Variants in PSMF1 observed in about 807,000 individuals in gnomAD.
The protein encoded by PSMF1 is proteasome inhibitor subunit 1.
A neutral mutation model predicts 29.3 loss-of-function variants in PSMF1; 30 were observed. The observed-to-expected ratio is 1.02, with a 90% CI of 0.77 to 1.39. The LOEUF is 1.39. Ranked by LOEUF, PSMF1 falls within the 40% of genes most tolerant of loss-of-function variation. The pLI is 0.00. For missense variants in PSMF1, 344 were observed against 357.5 expected (o/e 0.96, Z 0.31); for synonymous variants, 134 against 139.7 (o/e 0.96, Z 0.29).
At chr20:1,118,587 G>C, upstream of PSMF1, 1 of 657,008 alleles carries the variant, frequency 1.5e-6, no homozygotes, top group East Asian at 3.1e-5. Flanking sequence ...TGCGCCCGCT[G>C]TTGGGACTAC....
At chr20:1,150,321 GGTGA>G (rs2086512504) in intron 4 of PSMF1, among the ~76,000 whole-genome samples, 1 of 152,152 alleles carries the variant, frequency 6.6e-6, no homozygotes, top group Non-Finnish European at 1.5e-5. Flanking sequence ...GCTGGATGTG[GGTGA>G]GTGAGTGGTA....
At position 1,171,368 on chromosome 20, in the gene PSMF1, C is replaced by T. The variant is rs2086788509; in HGVS notation, c.*6288C>T. On this transcript the variant is annotated 3_prime_UTR_variant, in exon 7 of 7. Transcript: ENST00000335877. Reference sequence around the variant, plus strand: ...GGCCACAGGAATGGGCTCGGGCTCTCTGCTGGGCTCTGTCACCTGGCTCCA... The same window carrying T: ...GGCCACAGGAATGGGCTCGGGCTCTTTGCTGGGCTCTGTCACCTGGCTCCA... Among the ~76,000 whole-genome samples the T allele has an allele frequency of 6.6e-6, 1 of 152,188 alleles. No individual in the cohort carries two copies. Among genetic ancestry groups the T allele is most frequent in the Non-Finnish European group, 1.5e-5 (1 of 68,026 alleles).
At chr20:1,160,819 G>C (rs2086657775) in intron 4 of PSMF1, 1 of 454,124 alleles carries the variant, frequency 2.2e-6, no homozygotes, top group African/African-American at 2.0e-5. Flanking sequence ...TTCACCAGCT[G>C]GGAAGGCATG....
At chr20:1,130,513 G>C (rs541499595) in intron 3 of PSMF1, among the ~76,000 whole-genome samples, 1 of 152,230 alleles carries the variant, frequency 6.6e-6, no homozygotes, top group Non-Finnish European at 1.5e-5. Flanking sequence ...TCTGTCTAAA[G>C]TGCTCTCCCT....
In PSMF1 at chr20:1,165,572, C is replaced by T. The variant is rs2086719627; in HGVS notation, c.*492C>T. The T allele has an allele frequency of 1.0e-6, 1 of 995,000 alleles. No individual in the cohort carries two copies. Among genetic ancestry groups the T allele is most frequent in the African/African-American group, 1.7e-5 (1 of 57,378 alleles). 61.6% of individuals were successfully genotyped at this position (995,000 alleles called of 1,614,324 possible). ...GGGCTGAATGACTCTTTTTCCTGCC[C>T]AGGGCCCATTCTTGCTTCTCAGGCA... is the stretch of plus-strand genomic sequence containing the variant. On this transcript the variant is annotated 3_prime_UTR_variant, in exon 7 of 7. Coordinates refer to ENST00000335877, the MANE Select transcript of PSMF1 (RefSeq NM_006814.5).
rs1235284719 is a variant in PSMF1 at position 1,166,045 on chromosome 20, C to G, written c.*965C>G. On this transcript the variant is annotated 3_prime_UTR_variant, in exon 7 of 7. Coordinates refer to ENST00000335877, the MANE Select transcript of PSMF1 (RefSeq NM_006814.5). ...AAAAGAATGATGGTTCAAGGCCATA[C>G]TTCCCTTGAACCTTGTGTGGTTCTT... 3 of 1,466,570 alleles carry G rather than the reference C, an allele frequency of 2.0e-6. No homozygotes were observed. The highest frequency in any genetic ancestry group is 2.4e-5 in the Admixed American group (1 of 41,928). 90.8% of individuals were successfully genotyped at this position (1,466,570 alleles called of 1,614,324 possible).
intron 4 of PSMF1, among the ~76,000 whole-genome samples, chr20:1,155,733 G>C (rs148542795): frequency 1.7e-4 from 26 of 152,214 alleles, no homozygotes; most frequent in Non-Finnish European, 3.4e-4. Context: ...CACATGCATG[G>C]TGGAGACCTT....
chr20:1,132,969 G>GTTTTTTTTTTT (rs60189289), intron 3 of PSMF1, among the ~76,000 whole-genome samples: 2 of 134,104 alleles, frequency 1.5e-5, no homozygotes, highest in Non-Finnish European at 3.1e-5. Context: ...GGGTTTTTTT[G>GTTTTTTTTTTT]TTTTTTTTTT....
intron 4 of PSMF1, among the ~76,000 whole-genome samples, chr20:1,152,245 T>C (rs2122572691): frequency 6.6e-6 from 1 of 152,378 alleles, no homozygotes; most frequent in Admixed American, 6.5e-5. Flanking sequence ...TCTTGGTATC[T>C]CTGTTTTATG....
At chr20:1,119,603 C>A (rs752173245) in intron 1 of PSMF1, among the ~76,000 whole-genome samples, 12 of 152,138 alleles carry the variant, frequency 7.9e-5, no homozygotes, top group Non-Finnish European at 1.6e-4. Flanking sequence ...ATAGGGCCAG[C>A]CCCTCTTCTC....
intron 1 of PSMF1, 66 bp downstream of exon 1, chr20:1,118,968 G>A: frequency 6.3e-7 from 1 of 1,578,266 alleles, no homozygotes; most frequent in Non-Finnish European, 8.6e-7. Context: ...GAGTACCGGA[G>A]GCCTGGTCCA....
At chr20:1,133,569 A>ATATATATATATTTT in intron 3 of PSMF1, among the ~76,000 whole-genome samples, 26 of 53,282 alleles carry the variant, frequency 4.9e-4, no homozygotes, top group Non-Finnish European at 6.9e-4. Flanking sequence ...ATATATATAT[A>ATATATATATATTTT]TTTTTTTTTT....
chr20:1,132,972 T>TG (rs527630457), intron 3 of PSMF1, among the ~76,000 whole-genome samples: 29 of 150,006 alleles, frequency 1.9e-4, no homozygotes, highest in Non-Finnish European at 3.6e-4. Flanking sequence ...TTTTTTTGTT[T>TG]TTTTTTTTTT....
chr20:1,125,378 T>G, intron 1 of PSMF1, 120 bp from the exon 2 acceptor site: 1 of 1,125,844 alleles, frequency 8.9e-7, no homozygotes, highest in Non-Finnish European at 1.2e-6. Context: ...GTCATTTCTC[T>G]TGACCTCCAC....
rs78090384 is a variant in PSMF1, at chr20:1,163,360, G to A, written c.605+177G>A. 0.011 allele frequency among the ~76,000 whole-genome samples: 1,701 copies of A among 152,326 alleles called. 46 individuals are homozygous for A. The highest frequency in any genetic ancestry group is 0.039 in the African/African-American group (1,612 of 41,566). On this transcript the variant is annotated intron_variant, in intron 5 of 6. Transcript: ENST00000335877. This position sits in a 1 kb window ranked among gnomAD's most constrained non-coding sequence, Gnocchi z 6.1. ...TACGCTGCCCCTCCACACCTAGAGC[G>A]GTGCAGGAGAGCACTGAGTGTTGGC...
upstream of PSMF1, among the ~76,000 whole-genome samples, chr20:1,116,336 G>A (rs1231456694): frequency 1.3e-5 from 2 of 152,234 alleles, no homozygotes; most frequent in Non-Finnish European, 2.9e-5. Flanking sequence ...TTATGCCACA[G>A]GCAGTACATC....
At chr20:1,130,405 A>G (rs1448407069) in intron 3 of PSMF1, among the ~76,000 whole-genome samples, 1 of 152,166 alleles carries the variant, frequency 6.6e-6, no homozygotes, top group East Asian at 1.9e-4. Context: ...ATGAGGCCTT[A>G]AAGCATTCAC....
At chr20:1,160,222 C>A (rs999921883) in intron 4 of PSMF1, among the ~76,000 whole-genome samples, 1 of 151,862 alleles carries the variant, frequency 6.6e-6, no homozygotes, top group Non-Finnish European at 1.5e-5. Flanking sequence ...CGTTTTTCAC[C>A]GTTGATTTCC....
At chr20:1,161,805 A>T (rs1568483492) in intron 4 of PSMF1, 1 of 340,042 alleles carries the variant, frequency 2.9e-6, no homozygotes. Context: ...AAACTGGAAT[A>T]AGCTTTTGGA....
Sources: gnomAD v4.1 joint callset for allele counts (sites outside exome capture counted in the v4.1 genomes callset) on GRCh38, gnomAD v4.1.1 for gene constraint, Gnocchi (gnomAD v3.1) non-coding constraint, MANE v1.5 for transcripts, NCBI Gene and HGNC (gene_info 2026-07-23, HGNC 2026-07-21) for gene names.